Variants in CADM2 observed in about 807,000 individuals in gnomAD.
The protein encoded by CADM2 is immunoglobulin superfamily member 4D.
In CADM2, 12 loss-of-function variants were observed where a neutral mutation model predicts 49.8. That is an observed-to-expected ratio of 0.24 (90% confidence interval 0.15 to 0.39). The LOEUF (loss-of-function observed/expected upper bound fraction) is 0.39, where lower values mean the gene tolerates loss of function less well. Among genes scored for constraint, CADM2 ranks in the 10% least tolerant of loss-of-function variants. CADM2 has a pLI of 1.00. For missense variants in CADM2, 378 were observed against 492.3 expected (o/e 0.77, Z 2.20); for synonymous variants, 214 against 175.4 (o/e 1.22, Z -1.74).
chr3:85,518,478 A>C (rs1292429723), intron 1 of CADM2, among the ~76,000 whole-genome samples: 1 of 150,348 alleles, frequency 6.7e-6, no homozygotes, highest in Non-Finnish European at 1.5e-5. Flanking sequence ...TATTTGTTAC[A>C]TCAGCTCTCC....
chr3:85,463,213 C>T (rs1248889773), intron 1 of CADM2, among the ~76,000 whole-genome samples: 1 of 152,058 alleles, frequency 6.6e-6, no homozygotes, highest in East Asian at 1.9e-4. Context: ...CAGAGTTACC[C>T]TCGTTTCATA....
At chr3:86,061,581 T>C (rs947124397) in intron 8 of CADM2, among the ~76,000 whole-genome samples, 1 of 152,136 alleles carries the variant, frequency 6.6e-6, no homozygotes, top group African/African-American at 2.4e-5. Context: ...TGTATGCATA[T>C]AATCTTATTG....
intron 1 of CADM2, among the ~76,000 whole-genome samples, chr3:85,150,590 G>A (rs1041260189): frequency 6.6e-6 from 1 of 152,036 alleles, no homozygotes; most frequent in Non-Finnish European, 1.5e-5. Context: ...TTGTTTATTT[G>A]CTGAAATTCA....
chr3:85,382,994 C>T (rs2033988796), intron 1 of CADM2, among the ~76,000 whole-genome samples: 1 of 152,102 alleles, frequency 6.6e-6, no homozygotes, highest in African/African-American at 2.4e-5. Flanking sequence ...GTAGACAATG[C>T]TGAAAACCTA....
intron 1 of CADM2, among the ~76,000 whole-genome samples, chr3:85,603,482 G>A (rs1166659910): frequency 1.3e-5 from 2 of 151,840 alleles, no homozygotes; most frequent in Non-Finnish European, 2.9e-5. Context: ...CAGCTCACAG[G>A]ACTCTATCAG....
chr3:85,046,431 G>GT (rs1180217580), intron 1 of CADM2, among the ~76,000 whole-genome samples: 4 of 150,282 alleles, frequency 2.7e-5, no homozygotes. Context: ...GTCAATTATA[G>GT]TTTTTGGTTT....
chr3:85,938,493 T>G (rs144388208), intron 7 of CADM2, among the ~76,000 whole-genome samples: 5 of 152,158 alleles, frequency 3.3e-5, no homozygotes, highest in African/African-American at 1.2e-4. Context: ...TATTTTAAAA[T>G]AAAACATAAT....
chr3:85,552,607 C>T (rs960132718), intron 1 of CADM2, among the ~76,000 whole-genome samples: 1 of 151,784 alleles, frequency 6.6e-6, no homozygotes, highest in South Asian at 2.1e-4. Context: ...GTCTTGATCT[C>T]CTGACCTTGT....
chr3:85,611,248 TG>T (rs1236858581), intron 1 of CADM2, among the ~76,000 whole-genome samples: 16 of 101,978 alleles, frequency 1.6e-4, no homozygotes, highest in African/African-American at 3.1e-4. Flanking sequence ...ATACTGCAAA[TG>T]TTTTTTTTTT....
At chr3:85,435,443 T>C (rs190387276) in intron 1 of CADM2, among the ~76,000 whole-genome samples, 2 of 152,280 alleles carry the variant, frequency 1.3e-5, no homozygotes, top group Admixed American at 1.3e-4. Flanking sequence ...TGGTTCCAAG[T>C]CTTTTCTATT....
chr3:85,696,461 G>C (rs1430261782), intron 1 of CADM2, among the ~76,000 whole-genome samples: 1 of 151,820 alleles, frequency 6.6e-6, no homozygotes, highest in Non-Finnish European at 1.5e-5. Context: ...AGAGATAGGG[G>C]CTTGGTTTCA....
At chr3:85,937,529 G>A (rs984924916) in intron 7 of CADM2, among the ~76,000 whole-genome samples, 2 of 151,890 alleles carry the variant, frequency 1.3e-5, no homozygotes, top group African/African-American at 2.4e-5. Context: ...CTTGCCCAAA[G>A]CCTTAACTCT....
chr3:85,447,634 C>T (rs78777937), intron 1 of CADM2, among the ~76,000 whole-genome samples: 4,774 of 152,266 alleles, frequency 0.031, 191 homozygotes, highest in East Asian at 0.16. Flanking sequence ...TTACATTTCG[C>T]AAACATGCTG....
chr3:85,651,768 A>AATCTTAGC (rs1323952540), intron 1 of CADM2, among the ~76,000 whole-genome samples: 1 of 151,794 alleles, frequency 6.6e-6, no homozygotes, highest in African/African-American at 2.4e-5. Flanking sequence ...TACAATACAT[A>AATCTTAGC]ATCTTAGCAC....
chr3:85,594,738 G>A (rs2063196925), intron 1 of CADM2, among the ~76,000 whole-genome samples: 1 of 151,906 alleles, frequency 6.6e-6, no homozygotes, highest in African/African-American at 2.4e-5. Context: ...GTTTTCATAA[G>A]TCTACTATAT....
intron 1 of CADM2, among the ~76,000 whole-genome samples, chr3:85,487,019 G>C (rs957106461): frequency 2.6e-5 from 4 of 151,844 alleles, no homozygotes; most frequent in African/African-American, 9.7e-5. Flanking sequence ...GAAATTTTCT[G>C]GTTTCAGAGT....
At chr3:85,148,613 C>T (rs2039824636) in intron 1 of CADM2, among the ~76,000 whole-genome samples, 1 of 152,138 alleles carries the variant, frequency 6.6e-6, no homozygotes, top group Admixed American at 6.5e-5. Context: ...ACCATTCTCC[C>T]AAGCTATCAA....
chr3:85,029,156 T>A (rs755087743), intron 1 of CADM2, among the ~76,000 whole-genome samples: 56 of 151,990 alleles, frequency 3.7e-4, no homozygotes, highest in Non-Finnish European at 5.7e-4. Flanking sequence ...TTTAGAAGTT[T>A]TTTAAATATA....
intron 1 of CADM2, among the ~76,000 whole-genome samples, chr3:85,134,041 C>A (rs1281987594): frequency 6.6e-6 from 1 of 152,224 alleles, no homozygotes; most frequent in Non-Finnish European, 1.5e-5. Flanking sequence ...AGAAATCGAG[C>A]GCAGCGCCGG....
Sources: allele counts gnomAD v4.1 joint callset (sites outside exome capture counted in the v4.1 genomes callset), GRCh38; gene constraint gnomAD v4.1.1; transcripts MANE v1.5; gene names NCBI Gene and HGNC (gene_info 2026-07-23, HGNC 2026-07-21).